The following NFASC variants were observed in gnomAD, a reference collection of about 807,000 sequenced individuals.
NFASC encodes the protein neurofascin.
Under a neutral mutation model 147.5 loss-of-function variants are expected in NFASC, and 43 were observed. The ratio of observed to expected loss-of-function variants is 0.29; its 90% CI spans 0.23 to 0.38. NFASC has a LOEUF of 0.38. NFASC is among the 10% of genes least tolerant of loss of function. NFASC has a pLI of 1.00. For synonymous variants in NFASC, 622 were observed against 665.5 expected (o/e 0.93, Z 1.01); for missense variants, 1,320 against 1,689.0 (o/e 0.78, Z 3.83).
chr1:204,937,914 C>T (rs1280679546), intron 2 of NFASC, among the ~76,000 whole-genome samples: 1 of 152,242 alleles, frequency 6.6e-6, no homozygotes, highest in African/African-American at 2.4e-5. Context: ...TAATCCCTGC[C>T]ATCCAGTCGG....
chr1:204,863,725 T>A (rs1260270423), intron 1 of NFASC, among the ~76,000 whole-genome samples: 1 of 151,682 alleles, frequency 6.6e-6, no homozygotes, highest in Non-Finnish European at 1.5e-5. Flanking sequence ...GGCGGGTGCC[T>A]GTAGTCCCAC....
At chr1:204,870,822 G>A (rs769760084) in intron 1 of NFASC, 5 of 1,179,112 alleles carry the variant, frequency 4.2e-6, no homozygotes, top group South Asian at 1.6e-5. Flanking sequence ...GGAGGTGGCC[G>A]ATGGGGGTGA....
chr1:204,963,406 G>A (rs2094788230), intron 8 of NFASC, among the ~76,000 whole-genome samples: 1 of 152,214 alleles, frequency 6.6e-6, no homozygotes, highest in Non-Finnish European at 1.5e-5. Flanking sequence ...TATTCTGTAA[G>A]CCTGAGTGCA....
At position 205,002,681 on chromosome 1, in the gene NFASC, G is replaced by A. The variant is rs760790912; in HGVS notation, c.3222G>A (p.Thr1074=). 1.0e-5 allele frequency: 16 copies of A among 1,586,526 alleles called. No individual in the cohort carries two copies. Among genetic ancestry groups the A allele is most frequent in the Middle Eastern group, 1.7e-4 (1 of 5,854 alleles). The change falls in exon 27 of 30, where the codon ACG becomes ACA. Residue 1074 remains threonine (T), a synonymous_variant. Coordinates refer to ENST00000339876, the MANE Select transcript of NFASC (RefSeq NM_001005388.3). ...ACCTCTATCCCGGGATGACATACAC[G>A]TTGCGGGTTTATTCCCGGGACAACG... ...LTDLYPGMTY[T]LRVYSRDNEG...
intron 1 of NFASC, among the ~76,000 whole-genome samples, chr1:204,846,974 T>TGTGTGTGTGTGTGTG (rs1403581484): frequency 3.0e-4 from 45 of 152,026 alleles, no homozygotes; most frequent in African/African-American, 1.1e-3. Flanking sequence ...TGTGTGTGTG[T>TGTGTGTGTGTGTGTG]GTGTGGTGTG....
In NFASC at chr1:204,951,981, C is replaced by T. The variant is rs772834209; in HGVS notation, c.110-30C>T. ...TGGACCCCAGGGAGGTCCCTGCAGC[C>T]CTGACCATGCTCCCTGTGCACTGTT... On this transcript the variant is annotated intron_variant, in intron 4 of 29. Transcript: ENST00000339876. The T allele has an allele frequency of 1.2e-5, 19 of 1,597,042 alleles. No individual in the cohort carries two copies. The East Asian group carries it at 4.0e-4, about 34-fold the overall frequency.
intron 3 of NFASC, among the ~76,000 whole-genome samples, chr1:204,947,612 T>G (rs1573542559): frequency 2.7e-5 from 1 of 37,346 alleles, no homozygotes; most frequent in Non-Finnish European, 5.5e-5. Flanking sequence ...CTCCCACCCA[T>G]CCCCTCCCTC....
At chr1:204,876,343 G>A (rs1231187347) in intron 1 of NFASC, among the ~76,000 whole-genome samples, 1 of 151,778 alleles carries the variant, frequency 6.6e-6, no homozygotes, top group Non-Finnish European at 1.5e-5. Context: ...GATACTTTCA[G>A]CTCTAGGGAA....
chr1:204,858,279 T>C (rs1483589024), intron 1 of NFASC, among the ~76,000 whole-genome samples: 2 of 152,102 alleles, frequency 1.3e-5, no homozygotes, highest in Admixed American at 1.3e-4. Context: ...CCATGTGAGC[T>C]CCTTTTACCT....
intron 1 of NFASC, among the ~76,000 whole-genome samples, chr1:204,862,827 T>G: frequency 6.6e-6 from 1 of 152,194 alleles, no homozygotes; most frequent in East Asian, 1.9e-4. Flanking sequence ...CTTGGTGAGT[T>G]AAGTTTTTAA....
intron 3 of NFASC, among the ~76,000 whole-genome samples, chr1:204,945,996 A>G (rs536318772): frequency 1.3e-5 from 2 of 152,272 alleles, no homozygotes; most frequent in African/African-American, 4.8e-5. Flanking sequence ...TTTGGTGTCT[A>G]TCTTAAGAAT....
At chr1:204,881,643 G>A (rs1260563753) in intron 1 of NFASC, among the ~76,000 whole-genome samples, 1 of 152,158 alleles carries the variant, frequency 6.6e-6, no homozygotes, top group East Asian at 1.9e-4. Context: ...GGGAACCACG[G>A]GTTCCTGAAG....
At chr1:204,846,960 T>C (rs1441688320) in intron 1 of NFASC, among the ~76,000 whole-genome samples, 4 of 151,516 alleles carry the variant, frequency 2.6e-5, no homozygotes, top group Non-Finnish European at 4.4e-5. Flanking sequence ...CGCGTGTGTG[T>C]GTGTGTGTGT....
chr1:204,970,041 G>A (rs573441555), intron 10 of NFASC, among the ~76,000 whole-genome samples: 24 of 126,952 alleles, frequency 1.9e-4, no homozygotes, highest in African/African-American at 6.1e-4. Context: ...GCGCCACTGC[G>A]CCCCAGCCTG....
At chr1:204,973,896 A>C (rs1325291051) in intron 12 of NFASC, among the ~76,000 whole-genome samples, 5 of 152,156 alleles carry the variant, frequency 3.3e-5, no homozygotes, top group African/African-American at 1.2e-4. Flanking sequence ...GAAATGCCTT[A>C]GGGCTGTGAT....
intron 1 of NFASC, among the ~76,000 whole-genome samples, chr1:204,886,876 C>T (rs2081401383): frequency 6.6e-6 from 1 of 152,080 alleles, no homozygotes; most frequent in Non-Finnish European, 1.5e-5. Flanking sequence ...AGGACCCTAT[C>T]GAATTCAAAT....
At chr1:204,939,034 ATGGATGTGTGTGTGTG>A (rs1189201782) in intron 2 of NFASC, among the ~76,000 whole-genome samples, 1 of 61,350 alleles carries the variant, frequency 1.6e-5, no homozygotes, top group Non-Finnish European at 3.6e-5. Flanking sequence ...TCCTGTATGG[ATGGATGTGTGTGTGTG>A]TGTGTGTGTG....
At chr1:204,868,201 T>C (rs1308088207) in intron 1 of NFASC, among the ~76,000 whole-genome samples, 1 of 152,212 alleles carries the variant, frequency 6.6e-6, no homozygotes, top group Non-Finnish European at 1.5e-5. Context: ...CAGTCCACCC[T>C]GTCCCCAAGT....
intron 1 of NFASC, among the ~76,000 whole-genome samples, chr1:204,878,911 G>T (rs2079560547): frequency 1.3e-5 from 2 of 152,224 alleles, no homozygotes; most frequent in African/African-American, 4.8e-5. Flanking sequence ...TCTTTGGAGA[G>T]GCCTGGCCAG....
Sources: gnomAD v4.1 joint callset for allele counts (sites outside exome capture counted in the v4.1 genomes callset) on GRCh38, gnomAD v4.1.1 for gene constraint, MANE v1.5 for transcripts, NCBI Gene and HGNC (gene_info 2026-07-23, HGNC 2026-07-21) for gene names.